The following SYT9 variants were observed in gnomAD, a reference collection of about 807,000 sequenced individuals.
SYT9 encodes the protein synaptotagmin-9.
SYT9 carries 22 observed loss-of-function variants against 48.4 expected under a neutral mutation model. That is an observed-to-expected ratio of 0.45 (90% CI 0.32 to 0.65). SYT9 has a LOEUF of 0.65. Ranked by LOEUF, SYT9 falls within the 30% of genes least tolerant of loss-of-function variation. The probability of loss-of-function intolerance (pLI) is 0.03; values close to 1 mark genes in which losing one functional copy is unlikely to be tolerated. For missense variants in SYT9, 577 were observed against 622.0 expected (o/e 0.93, Z 0.77); for synonymous variants, 265 against 245.0 (o/e 1.08, Z -0.76).
At chr11:7,253,275 A>T (rs1847907807) in intron 1 of SYT9, among the ~76,000 whole-genome samples, 1 of 152,224 alleles carries the variant, frequency 6.6e-6, no homozygotes, top group Admixed American at 6.5e-5. Flanking sequence ...TACTTACCAA[A>T]ACAGCATATT....
chr11:7,249,144 G>T (rs1394984541), upstream of SYT9, among the ~76,000 whole-genome samples: 1 of 152,124 alleles, frequency 6.6e-6, no homozygotes, highest in East Asian at 1.9e-4. Context: ...CAAATACAGT[G>T]ACATCGGGAA....
chr11:7,272,029 C>T (rs1848306891), intron 1 of SYT9, among the ~76,000 whole-genome samples: 1 of 152,152 alleles, frequency 6.6e-6, no homozygotes, highest in African/African-American at 2.4e-5. Flanking sequence ...TTAAATACTT[C>T]CTAAATAAAC....
chr11:7,447,698 C>G lies in SYT9; in HGVS notation c.1468-19094C>G, dbSNP rs575026458. Reference sequence around the variant, plus strand: ...TGAGGCCATACAGATAACCTTTTCTCTGTATATATATCTTTGTGATAGCTC... The same window carrying G: ...TGAGGCCATACAGATAACCTTTTCTGTGTATATATATCTTTGTGATAGCTC... On this transcript the variant is annotated intron_variant, in intron 6 of 6. Coordinates refer to ENST00000318881, the MANE Select transcript of SYT9 (RefSeq NM_175733.4). Among the ~76,000 whole-genome samples, 42 of 151,972 alleles carry G rather than the reference C, an allele frequency of 2.8e-4. No individual in the cohort carries two copies. In the South Asian group the frequency reaches 8.3e-3, roughly 30 times the overall value.
chr11:7,396,941 T>C (rs1846766856), intron 3 of SYT9, among the ~76,000 whole-genome samples: 1 of 152,188 alleles, frequency 6.6e-6, no homozygotes, highest in Admixed American at 6.5e-5. Flanking sequence ...TCATTCAGCA[T>C]GTGGCCTGCC....
At chr11:7,348,688 CTTTTTTTT>C (rs34752256) in intron 3 of SYT9, among the ~76,000 whole-genome samples, 15 of 47,098 alleles carry the variant, frequency 3.2e-4, no homozygotes, top group African/African-American at 6.2e-4. Flanking sequence ...ATCAGACCTC[CTTTTTTTT>C]TTTTTTTTTT....
intron 1 of SYT9, among the ~76,000 whole-genome samples, chr11:7,271,381 G>A (rs143434400): frequency 3.2e-4 from 48 of 152,140 alleles, no homozygotes; most frequent in Middle Eastern, 6.8e-3. Context: ...TGCTTCAAAA[G>A]CAACACTCCT....
chr11:7,371,655 C>A (rs1349313801), intron 3 of SYT9, among the ~76,000 whole-genome samples: 2 of 152,100 alleles, frequency 1.3e-5, no homozygotes, highest in African/African-American at 4.8e-5. Flanking sequence ...ATTTTCATCA[C>A]CCTAGAAAGT....
intron 3 of SYT9, among the ~76,000 whole-genome samples, chr11:7,333,111 A>G (rs1331435940): frequency 6.6e-6 from 1 of 152,226 alleles, no homozygotes; most frequent in Non-Finnish European, 1.5e-5. Context: ...TCTAATTCTA[A>G]CAGATGGCTC....
chr11:7,462,420 A>G (rs1246420712), intron 6 of SYT9, among the ~76,000 whole-genome samples: 1 of 152,214 alleles, frequency 6.6e-6, no homozygotes, highest in African/African-American at 2.4e-5. Flanking sequence ...GAAAGGCAGT[A>G]TAGTCACATT....
chr11:7,318,930 T>C (rs1441046282), intron 3 of SYT9, among the ~76,000 whole-genome samples: 1 of 152,228 alleles, frequency 6.6e-6, no homozygotes, highest in African/African-American at 2.4e-5. Context: ...TAATATGCTG[T>C]CTTGTACTGT....
In SYT9 at chr11:7,392,604, T is replaced by C. The variant is rs891503783; in HGVS notation, c.1045-23438T>C. Among the ~76,000 whole-genome samples, 5 of 152,330 alleles carry C rather than the reference T, an allele frequency of 3.3e-5. 1 individual carries two copies. The highest frequency in any genetic ancestry group is 1.3e-4 in the Admixed American group (2 of 15,290). On this transcript the variant is annotated intron_variant, in intron 3 of 6. Coordinates refer to ENST00000318881, the MANE Select transcript of SYT9 (RefSeq NM_175733.4). ...GCTGTTTTTTTTATTTTTTGTTTCA[T>C]ATGAATTTTAGAATAGCTTTTTCTA... is the stretch of plus-strand genomic sequence containing the variant.
chr11:7,405,920 G>T (rs970235958), intron 3 of SYT9, among the ~76,000 whole-genome samples: 11 of 152,082 alleles, frequency 7.2e-5, no homozygotes, highest in African/African-American at 2.4e-4. Context: ...GTTTTCATTA[G>T]AAGAGTCAAC....
At chr11:7,354,076 T>A (rs1849971026) in intron 3 of SYT9, among the ~76,000 whole-genome samples, 1 of 152,188 alleles carries the variant, frequency 6.6e-6, no homozygotes, top group African/African-American at 2.4e-5. Context: ...CAAATAATGA[T>A]TTGATTGGAA....
At chr11:7,426,561 C>T (rs116203922) in intron 6 of SYT9, among the ~76,000 whole-genome samples, 1,593 of 152,318 alleles carry the variant, frequency 0.01, 31 homozygotes, top group African/African-American at 0.036. Flanking sequence ...GCATCTTCTT[C>T]ATGCCTATAA....
At chr11:7,413,565 C>T (rs1362470087) in intron 3 of SYT9, among the ~76,000 whole-genome samples, 2 of 152,156 alleles carry the variant, frequency 1.3e-5, no homozygotes, top group African/African-American at 4.8e-5. Flanking sequence ...TAGGGAGCTT[C>T]TCCCAGCTCC....
At chr11:7,395,289 TC>T (rs1846730918) in intron 3 of SYT9, among the ~76,000 whole-genome samples, 1 of 152,182 alleles carries the variant, frequency 6.6e-6, no homozygotes, top group Non-Finnish European at 1.5e-5. Flanking sequence ...CAGATTATGT[TC>T]TGTGTGCAGA....
chr11:7,354,396 T>C (rs10500695), intron 3 of SYT9, among the ~76,000 whole-genome samples: 4,889 of 152,298 alleles, frequency 0.032, 183 homozygotes, highest in African/African-American at 0.092. Context: ...ATGGTGAATG[T>C]GATGGTCCAA....
chr11:7,267,654 A>G (rs2200649), intron 1 of SYT9, among the ~76,000 whole-genome samples: 74,808 of 151,422 alleles, frequency 0.49, 19,164 homozygotes, highest in Non-Finnish European at 0.56. Flanking sequence ...AAAAAAATGC[A>G]TTGAAGTTAA....
intron 3 of SYT9, among the ~76,000 whole-genome samples, chr11:7,381,395 T>G (rs946740585): frequency 6.6e-6 from 1 of 152,230 alleles, no homozygotes; most frequent in Non-Finnish European, 1.5e-5. Flanking sequence ...GAGCTTACTT[T>G]TCCAAGAAAA....
Sources: gnomAD v4.1 joint callset for allele counts (sites outside exome capture counted in the v4.1 genomes callset) on GRCh38, gnomAD v4.1.1 for gene constraint, MANE v1.5 for transcripts, NCBI Gene and HGNC (gene_info 2026-07-23, HGNC 2026-07-21) for gene names.